The following SMYD3 variants were observed in gnomAD, a reference collection of about 807,000 sequenced individuals.
SMYD3 encodes the protein histone-lysine N-methyltransferase SMYD3.
In SMYD3, 36 loss-of-function variants were observed where a neutral mutation model predicts 57.7. That is an observed-to-expected ratio of 0.62 (90% confidence interval 0.48 to 0.82). The LOEUF (loss-of-function observed/expected upper bound fraction) is 0.82, where lower values mean the gene tolerates loss of function less well. Ranked by LOEUF, SMYD3 falls within the 40% of genes least tolerant of loss-of-function variation. The pLI is 0.00. For synonymous variants in SMYD3, 211 were observed against 195.0 expected (o/e 1.08, Z -0.68); for missense variants, 515 against 538.8 (o/e 0.96, Z 0.44).
chr1:246,372,077 A>C (rs146067978), intron 1 of SMYD3, among the ~76,000 whole-genome samples: 361 of 152,368 alleles, frequency 2.4e-3, no homozygotes, highest in African/African-American at 8.0e-3. Context: ...CTAGTTCCTA[A>C]GTAAAGAAAC....
intron 5 of SMYD3, among the ~76,000 whole-genome samples, chr1:246,068,618 T>C (rs2060390423): frequency 6.6e-6 from 1 of 152,180 alleles, no homozygotes; most frequent in African/African-American, 2.4e-5. Context: ...CCTACCACAG[T>C]TTCCTCATCT....
chr1:246,418,945 T>C (rs1356666550), intron 1 of SMYD3, among the ~76,000 whole-genome samples: 1 of 152,200 alleles, frequency 6.6e-6, no homozygotes, highest in Non-Finnish European at 1.5e-5. Flanking sequence ...GTTCCTGCCT[T>C]AACCGATGAC....
At chr1:246,390,756 CT>C (rs1182742307) in intron 1 of SMYD3, among the ~76,000 whole-genome samples, 3 of 152,064 alleles carry the variant, frequency 2.0e-5, no homozygotes, top group Non-Finnish European at 2.9e-5. Flanking sequence ...TTGTATTTCA[CT>C]TTAGCACACA....
intron 10 of SMYD3, among the ~76,000 whole-genome samples, chr1:245,794,392 T>C (rs1029891649): frequency 1.3e-5 from 2 of 152,242 alleles, no homozygotes; most frequent in African/African-American, 4.8e-5. Flanking sequence ...ATTGAAGACA[T>C]TCCACGTGAC....
At chr1:246,479,471 G>A (rs184231794) in intron 1 of SMYD3, among the ~76,000 whole-genome samples, 10 of 150,112 alleles carry the variant, frequency 6.7e-5, no homozygotes, top group East Asian at 3.9e-4. Context: ...TAAAATGCAC[G>A]TGATGTGTTT....
chr1:246,325,297 T>TCGGGGGGCGGGAAGGAGGGAGAAGGAG (rs1558402300), intron 5 of SMYD3, among the ~76,000 whole-genome samples: 5 of 19,824 alleles, frequency 2.5e-4, no homozygotes, highest in Non-Finnish European at 2.7e-4. Flanking sequence ...GGAGAAGGAG[T>TCGGGGGGCGGGAAGGAGGGAGAAGGAG]TGGGGGGGCG....
chr1:245,958,091 T>A (rs920645541), intron 5 of SMYD3, among the ~76,000 whole-genome samples: 1 of 152,140 alleles, frequency 6.6e-6, no homozygotes, highest in Non-Finnish European at 1.5e-5. Context: ...GAGGTGCCTG[T>A]CTAGATTCTT....
intron 8 of SMYD3, among the ~76,000 whole-genome samples, chr1:245,869,017 T>C (rs2052029681): frequency 1.3e-5 from 2 of 152,190 alleles, no homozygotes; most frequent in South Asian, 4.1e-4. Flanking sequence ...ATAAAATTAG[T>C]AAATTTATAT....
At chr1:246,361,867 C>T (rs1487823485) in intron 1 of SMYD3, among the ~76,000 whole-genome samples, 1 of 152,064 alleles carries the variant, frequency 6.6e-6, no homozygotes, top group Non-Finnish European at 1.5e-5. Context: ...GAGATGGATA[C>T]ACCAAAATCT....
chr1:245,763,723 TGGAGAG>T (rs1201835967), intron 11 of SMYD3, among the ~76,000 whole-genome samples: 1 of 152,138 alleles, frequency 6.6e-6, no homozygotes, highest in Admixed American at 6.5e-5. Context: ...TTGCTAAACG[TGGAGAG>T]GGCACAGGAG....
At position 246,204,496 on chromosome 1, in the gene SMYD3, C is replaced by T. The variant is rs74381315; in HGVS notation, c.531+122705G>A. ...ATGATTACTAAATAAATTGGCTTAA[C>T]TCTTTCTTTAGAACAACCCAATGAA... On this transcript the variant is annotated intron_variant, in intron 5 of 11. Transcript: ENST00000490107. Among the ~76,000 whole-genome samples the T allele has an allele frequency of 1.9e-3, 289 of 152,306 alleles. 1 individual carries two copies. Among genetic ancestry groups the T allele is most frequent in the African/African-American group, 6.8e-3 (283 of 41,560 alleles).
chr1:245,839,373 G>T (rs541638859), intron 10 of SMYD3, among the ~76,000 whole-genome samples: 145 of 151,832 alleles, frequency 9.6e-4, no homozygotes, highest in Non-Finnish European at 1.8e-3. Flanking sequence ...GTTTCACCGT[G>T]TTAGCCAGGA....
intron 5 of SMYD3, among the ~76,000 whole-genome samples, chr1:245,938,677 C>T (rs2057086162): frequency 6.6e-6 from 1 of 152,190 alleles, no homozygotes; most frequent in South Asian, 2.1e-4. Flanking sequence ...GCCAGATACA[C>T]AAATCAGACT....
intron 5 of SMYD3, among the ~76,000 whole-genome samples, chr1:246,069,610 A>C (rs952703694): frequency 6.6e-6 from 1 of 152,214 alleles, no homozygotes; most frequent in East Asian, 1.9e-4. Context: ...ATCAAGAAAG[A>C]AAGCCAACAT....
chr1:246,149,809 A>G (rs536551886), intron 5 of SMYD3, among the ~76,000 whole-genome samples: 4 of 152,372 alleles, frequency 2.6e-5, no homozygotes, highest in South Asian at 4.1e-4. Context: ...GATTCTAAGG[A>G]GCATCCTTGA....
At chr1:246,004,972 A>G (rs1468653697) in intron 5 of SMYD3, among the ~76,000 whole-genome samples, 1 of 152,148 alleles carries the variant, frequency 6.6e-6, no homozygotes, top group Non-Finnish European at 1.5e-5. Flanking sequence ...CGGCCTCCCG[A>G]GTAGCTGGGA....
At chr1:245,806,655 A>C (rs1018834891) in intron 10 of SMYD3, among the ~76,000 whole-genome samples, 3 of 152,112 alleles carry the variant, frequency 2.0e-5, no homozygotes, top group African/African-American at 7.2e-5. Flanking sequence ...TCACGCCTGT[A>C]ATCCCAGCAC....
chr1:245,869,526 G>A (rs2052060046), intron 8 of SMYD3, among the ~76,000 whole-genome samples: 1 of 152,150 alleles, frequency 6.6e-6, no homozygotes, highest in Admixed American at 6.5e-5. Context: ...CAGCCCCGGA[G>A]AAGTCCTTCA....
intron 5 of SMYD3, among the ~76,000 whole-genome samples, chr1:246,322,705 C>T (rs948194671): frequency 6.6e-6 from 1 of 152,120 alleles, no homozygotes; most frequent in African/African-American, 2.4e-5. Context: ...CCCCAGGGAA[C>T]ATACAATCTA....
Sources: allele counts gnomAD v4.1 joint callset (sites outside exome capture counted in the v4.1 genomes callset), GRCh38; gene constraint gnomAD v4.1.1; transcripts MANE v1.5; gene names NCBI Gene and HGNC (gene_info 2026-07-23, HGNC 2026-07-21).